ASAP1: variants seen among roughly 807,000 people sequenced by gnomAD.
The protein encoded by ASAP1 is ArfGAP with SH3 domain, ankyrin repeat and PH domain 1.
A neutral mutation model predicts 145.2 loss-of-function variants in ASAP1; 43 were observed. That is an observed-to-expected ratio of 0.30 (90% CI 0.23 to 0.38). The LOEUF (loss-of-function observed/expected upper bound fraction) is 0.38. Among genes scored for constraint, ASAP1 ranks in the 10% least tolerant of loss-of-function variants. The pLI is 1.00. For synonymous variants in ASAP1, 546 were observed against 515.5 expected (o/e 1.06, Z -0.80); for missense variants, 1,018 against 1,355.3 (o/e 0.75, Z 3.91).
At chr8:130,129,306 T>G (rs1391191144) in intron 15 of ASAP1, among the ~76,000 whole-genome samples, 1 of 152,182 alleles carries the variant, frequency 6.6e-6, no homozygotes. Flanking sequence ...ATCCCAAATT[T>G]AAATATATGT....
chr8:130,381,207 T>C (rs1345051220), intron 2 of ASAP1, among the ~76,000 whole-genome samples: 1 of 152,036 alleles, frequency 6.6e-6, no homozygotes, highest in Non-Finnish European at 1.5e-5. Context: ...TTAAATATCT[T>C]TTGTAGAGAG....
chr8:130,437,108 A>G (rs1453494706), intron 1 of ASAP1, among the ~76,000 whole-genome samples: 1 of 151,596 alleles, frequency 6.6e-6, no homozygotes, highest in Non-Finnish European at 1.5e-5. Flanking sequence ...TCATCTCAAA[A>G]AAAAAAAAAA....
chr8:130,310,423 C>T (rs548066956), intron 3 of ASAP1, among the ~76,000 whole-genome samples: 2 of 152,206 alleles, frequency 1.3e-5, no homozygotes, highest in South Asian at 4.2e-4. Flanking sequence ...CAGGAGTCAT[C>T]AAGCAAATAC....
chr8:130,265,865 G>C (rs962049063), intron 3 of ASAP1, among the ~76,000 whole-genome samples: 9 of 152,180 alleles, frequency 5.9e-5, no homozygotes, highest in African/African-American at 2.2e-4. Flanking sequence ...CTGGGCGAAA[G>C]TGAAACTGTC....
At chr8:130,249,098 T>C (rs1266481334) in intron 3 of ASAP1, among the ~76,000 whole-genome samples, 2 of 152,084 alleles carry the variant, frequency 1.3e-5, no homozygotes, top group African/African-American at 4.8e-5. Context: ...TTCCAAGGGC[T>C]CCTGTCTTAC....
intron 3 of ASAP1, among the ~76,000 whole-genome samples, chr8:130,256,600 A>G (rs1026085399): frequency 1.3e-5 from 2 of 151,722 alleles, no homozygotes; most frequent in Non-Finnish European, 2.9e-5. Flanking sequence ...TGCCTTGGAG[A>G]TAAAATTTCC....
chr8:130,231,322 A>G (rs1261139759), intron 4 of ASAP1, among the ~76,000 whole-genome samples: 1 of 152,242 alleles, frequency 6.6e-6, no homozygotes, highest in Non-Finnish European at 1.5e-5. Context: ...TGTTTATAAC[A>G]ATTTAGCTGT....
chr8:130,276,614 A>T (rs917744422), intron 3 of ASAP1, among the ~76,000 whole-genome samples: 1 of 151,706 alleles, frequency 6.6e-6, no homozygotes, highest in Non-Finnish European at 1.5e-5. Flanking sequence ...GTAAATACTT[A>T]GCCCGAATTC....
At chr8:130,232,047 T>C (rs1178494336) in intron 4 of ASAP1, among the ~76,000 whole-genome samples, 4 of 152,194 alleles carry the variant, frequency 2.6e-5, no homozygotes, top group African/African-American at 4.8e-5. Flanking sequence ...TAGTTCTCCA[T>C]AGGACTGCTT....
chr8:130,224,585 C>T (rs1817483858), intron 4 of ASAP1, among the ~76,000 whole-genome samples: 1 of 152,038 alleles, frequency 6.6e-6, no homozygotes, highest in South Asian at 2.1e-4. Context: ...GTTTTCACCC[C>T]TTTCTCCCTT....
At chr8:130,144,401 T>C (rs1336226408) in intron 13 of ASAP1, among the ~76,000 whole-genome samples, 1 of 152,224 alleles carries the variant, frequency 6.6e-6, no homozygotes, top group Non-Finnish European at 1.5e-5. Flanking sequence ...ACCCATTTCA[T>C]AAATGAGGTA....
chr8:130,267,695 G>A (rs1374147894), intron 3 of ASAP1, among the ~76,000 whole-genome samples: 1 of 152,184 alleles, frequency 6.6e-6, no homozygotes, highest in African/African-American at 2.4e-5. Context: ...AAGCATTGTG[G>A]TCAGGGTGGA....
At chr8:130,170,540 T>C (rs1341956018) in intron 9 of ASAP1, among the ~76,000 whole-genome samples, 1 of 152,200 alleles carries the variant, frequency 6.6e-6, no homozygotes, top group East Asian at 1.9e-4. Context: ...AGAAGTGGCC[T>C]TCAGAATGAT....
intron 2 of ASAP1, among the ~76,000 whole-genome samples, chr8:130,390,055 G>T (rs1828203009): frequency 6.6e-6 from 1 of 152,138 alleles, no homozygotes; most frequent in Admixed American, 6.6e-5. Context: ...ACAACTTAAA[G>T]AATTAGAAAC....
At chr8:130,153,144 C>T (rs944228878) in intron 12 of ASAP1, among the ~76,000 whole-genome samples, 2 of 151,158 alleles carry the variant, frequency 1.3e-5, no homozygotes, top group East Asian at 1.9e-4. Flanking sequence ...CTCAGCCTCC[C>T]GAGCAGCTGG....
intron 1 of ASAP1, among the ~76,000 whole-genome samples, chr8:130,410,163 TA>T (rs1362242385): frequency 6.6e-6 from 1 of 152,124 alleles, no homozygotes; most frequent in Non-Finnish European, 1.5e-5. Context: ...AATATTAAGC[TA>T]AATATCAAGG....
intron 2 of ASAP1, among the ~76,000 whole-genome samples, chr8:130,396,326 T>C (rs1218500164): frequency 2.0e-5 from 3 of 152,120 alleles, no homozygotes; most frequent in Non-Finnish European, 2.9e-5. Flanking sequence ...CAGGTTTGAG[T>C]GTAGGACCTG....
At chr8:130,423,964 G>A (rs955316778) in intron 1 of ASAP1, among the ~76,000 whole-genome samples, 3 of 152,076 alleles carry the variant, frequency 2.0e-5, no homozygotes, top group Non-Finnish European at 2.9e-5. Context: ...TTTGAAGGGC[G>A]GTGATGAAAA....
Position 130,376,371 on chromosome 8 carries a change from G to A in ASAP1, c.60-18228C>T, listed in dbSNP as rs184321001. Among the ~76,000 whole-genome samples the A allele has an allele frequency of 2.2e-4, 34 of 152,332 alleles. No homozygotes were observed. The East Asian group carries it at 6.4e-3, about 29-fold the overall frequency. On this transcript the variant is annotated intron_variant, in intron 2 of 29. Transcript: ENST00000518721. The stretch of plus-strand genomic sequence containing the variant: ...TATAGGACAAGGCCCAGTCATCTCA[G>A]TAATTGTGGCTGTATGCAGCTGGAG...
Sources: gnomAD v4.1 joint callset for allele counts (sites outside exome capture counted in the v4.1 genomes callset) on GRCh38, gnomAD v4.1.1 for gene constraint, MANE v1.5 for transcripts, NCBI Gene and HGNC (gene_info 2026-07-23, HGNC 2026-07-21) for gene names.